MOGAT1: variants seen among roughly 807,000 people sequenced by gnomAD.
The protein encoded by MOGAT1 is 2-acylglycerol O-acyltransferase 1.
Under a neutral mutation model 31.4 loss-of-function variants are expected in MOGAT1, and 32 were observed. The ratio of observed to expected loss-of-function variants is 1.02; its 90% CI spans 0.77 to 1.37. MOGAT1 has a LOEUF of 1.37. MOGAT1 is among the 40% of genes most tolerant of loss of function. The pLI is 0.00. For missense variants in MOGAT1, 426 were observed against 402.0 expected, an observed-to-expected ratio of 1.06 and a Z score of -0.51; for synonymous variants, 145 against 144.5, an observed-to-expected ratio of 1.00 and a Z score of -0.03.
chr2:222,688,414 G>C lies in MOGAT1; in HGVS notation c.165G>C (p.Leu55Phe), dbSNP rs373676726. The C allele has an allele frequency of 9.3e-6, 15 of 1,613,448 alleles. No homozygotes were observed. The African/African-American group carries it at 1.7e-4, about 19-fold the overall frequency. Reference protein sequence around the residue: ...HNYLFLYIPYLMWLYFDWHTP... With the variant: ...HNYLFLYIPYFMWLYFDWHTP... ...ATTTGTTCCTTTACATCCCTTATTT[G>C]ATGTGGCTTTACTTTGACTGGCATA... The change falls in exon 2 of 6, where the codon TTG (leucine) becomes TTC (phenylalanine). Residue 55 changes from leucine to phenylalanine, a missense_variant. Coordinates refer to ENST00000446656, the MANE Select transcript of MOGAT1 (RefSeq NM_058165.3).
rs1422519564 is a variant in MOGAT1, at chr2:222,694,466, G to A, written c.583G>A (p.Ala195Thr). The A allele has an allele frequency of 4.3e-6, 7 of 1,613,808 alleles. No homozygotes were observed. The highest frequency in any genetic ancestry group is 5.9e-6 in the Non-Finnish European group (7 of 1,179,860). Residue 195 changes from alanine (A) to threonine (T), a missense_variant, in exon 4 of 6, where the codon GCT (alanine) becomes ACT (threonine). Ala to Thr is a moderately conservative substitution (Grantham distance 58, BLOSUM62 0). Transcript: ENST00000446656. ...TGGGGGTGCAAAAGAATCACTGGAT[G>A]CTCATCCTGGAAAGTTCACTCTGTT... ...VLGGAKESLD[A>T]HPGKFTLFIR...
At chr2:222,694,760 A>G (rs758673654) in intron 4 of MOGAT1, among the ~76,000 whole-genome samples, 3 of 152,210 alleles carry the variant, frequency 2.0e-5, no homozygotes, top group Non-Finnish European at 2.9e-5. Context: ...AAGCAAAACA[A>G]CGAGAACAAC....
chr2:222,694,416 G>A lies in MOGAT1; in HGVS notation c.533G>A (p.Gly178Asp), dbSNP rs748934342. The change falls in exon 4 of 6, where the codon GGT becomes GAT. Residue 178 changes from glycine to aspartate, a missense_variant. Physicochemically the swap from Gly to Asp is moderately conservative, Grantham distance 94. Coordinates refer to ENST00000446656, the MANE Select transcript of MOGAT1 (RefSeq NM_058165.3). ...SVSYMVSKEG[G>D]GNISVIVLGG... ...TCCTACATGGTAAGCAAGGAGGGAGGTGGAAACATCTCTGTCATTGTCCTT... is the reference window on the plus strand; with the variant it reads ...TCCTACATGGTAAGCAAGGAGGGAGATGGAAACATCTCTGTCATTGTCCTT... 18 of 1,613,714 alleles carry A rather than the reference G, an allele frequency of 1.1e-5. No individual in the cohort carries two copies. In the South Asian group the frequency reaches 1.8e-4, roughly 16 times the overall value.
chr2:222,685,485 A>G (rs1321743350), intron 1 of MOGAT1, among the ~76,000 whole-genome samples: 1 of 152,168 alleles, frequency 6.6e-6, no homozygotes, highest in Non-Finnish European at 1.5e-5. Flanking sequence ...CTACATCTTA[A>G]CTATTATACA....
In MOGAT1 at chr2:222,692,573, G is replaced by C. The variant is rs749523275; in HGVS notation, c.479-1789G>C. 2.5e-4 allele frequency among the ~76,000 whole-genome samples: 38 copies of C among 151,514 alleles called. 1 individual carries two copies. The highest frequency in any genetic ancestry group is 1.3e-4 in the Non-Finnish European group (9 of 67,838). On this transcript the variant is annotated intron_variant, in intron 3 of 5. Coordinates refer to ENST00000446656, the MANE Select transcript of MOGAT1 (RefSeq NM_058165.3). ...CATTCGGTTTGGAGACGTGTAGTTT[G>C]AGGTGTCTTAGAGCTGTCACTGTAG...
At position 222,709,243 on chromosome 2, in the gene MOGAT1, C is replaced by A. The variant is rs535172018; in HGVS notation, c.854-493C>A. On this transcript the variant is annotated intron_variant, in intron 5 of 5. Coordinates refer to ENST00000446656, the MANE Select transcript of MOGAT1 (RefSeq NM_058165.3). ...GGTTAAGGCAAGAGAATCGCTTGAA[C>A]TCGGGAGGCGGAGTTCGCAGTGAGC... 2.0e-5 allele frequency among the ~76,000 whole-genome samples: 3 copies of A among 152,266 alleles called. No homozygotes were observed. In the East Asian group the frequency reaches 5.8e-4, roughly 29 times the overall value.
In MOGAT1 at chr2:222,671,800, TGCACCGCTCAACATCCAGCTGGC is replaced by T. The variant is rs924044100; in HGVS notation, c.18_40del (p.Pro7AlafsTer47). 8.4e-6 allele frequency: 13 copies of T among 1,552,830 alleles called. No homozygotes were observed. The African/African-American group carries it at 1.5e-4, about 18-fold the overall frequency. ...CCGGCCAGGCCATGAAGGTAGAGTT[TGCACCGCTCAACATCCAGCTGGC>T]GCGGCGGCTGCAGACGGTGGCCGTG... On this transcript the variant is annotated frameshift_variant, in exon 1 of 6. Transcript: ENST00000446656. LOFTEE classifies it high-confidence loss of function.
At chr2:222,696,521 G>A (rs935338656) in intron 5 of MOGAT1, among the ~76,000 whole-genome samples, 1 of 152,190 alleles carries the variant, frequency 6.6e-6, no homozygotes, top group African/African-American at 2.4e-5. Flanking sequence ...CATTAGTGAT[G>A]TTGAGCATTT....
chr2:222,701,561 G>C (rs556523203), intron 5 of MOGAT1, among the ~76,000 whole-genome samples: 37 of 84,700 alleles, frequency 4.4e-4, no homozygotes, highest in Non-Finnish European at 2.3e-5. Context: ...AAGAAAGAAA[G>C]AGAAAGAAAG....
intron 1 of MOGAT1, among the ~76,000 whole-genome samples, chr2:222,680,782 A>AT (rs1454118597): frequency 6.6e-6 from 1 of 152,170 alleles, no homozygotes; most frequent in African/African-American, 2.4e-5. Flanking sequence ...AAAAATGAAA[A>AT]TTTTTTGGAT....
At chr2:222,688,601 G>C (rs1443063045) in intron 2 of MOGAT1, 79 bp downstream of exon 2, 1 of 1,026,446 alleles carries the variant, frequency 9.7e-7, no homozygotes, top group Non-Finnish European at 1.4e-6. Context: ...TATATCTCAA[G>C]CTTCTTTTTC....
intron 5 of MOGAT1, among the ~76,000 whole-genome samples, chr2:222,697,916 G>A (rs1055373930): frequency 2.0e-5 from 3 of 151,948 alleles, no homozygotes; most frequent in African/African-American, 4.8e-5. Flanking sequence ...GTAATGTGCC[G>A]ATGTTGTAAC....
chr2:222,677,897 C>T (rs1574969080), intron 1 of MOGAT1: 1 of 264,840 alleles, frequency 3.8e-6, no homozygotes, highest in African/African-American at 2.3e-5. Flanking sequence ...TGATCCAGAT[C>T]TGCTTTATTG....
chr2:222,684,479 G>A (rs1019344164), intron 1 of MOGAT1, among the ~76,000 whole-genome samples: 1 of 152,138 alleles, frequency 6.6e-6, no homozygotes, highest in Non-Finnish European at 1.5e-5. Context: ...AATGTATGCA[G>A]TATCTAGAGT....
Position 222,671,793 on chromosome 2 carries a change from T to C in MOGAT1, c.8T>C (p.Val3Ala). ...TCCTCGCCCGGCCAGGCCATGAAGG[T>C]AGAGTTTGCACCGCTCAACATCCAG... MK[V>A]EFAPLNIQLA... Residue 3 changes from valine (V) to alanine (A), a missense_variant, in exon 1 of 6, where the codon GTA becomes GCA. Coordinates refer to ENST00000446656, the MANE Select transcript of MOGAT1 (RefSeq NM_058165.3). 1.3e-6 allele frequency: 2 copies of C among 1,551,554 alleles called. No homozygotes were observed. The highest frequency in any genetic ancestry group is 1.2e-5 in the South Asian group (1 of 84,076).
At chr2:222,694,913 C>G (rs1444765307) in intron 4 of MOGAT1, among the ~76,000 whole-genome samples, 176 bp from the exon 5 acceptor site, 1 of 152,138 alleles carries the variant, frequency 6.6e-6, no homozygotes, top group African/African-American at 2.4e-5. Context: ...GCTGAAATTC[C>G]TCCCTAAAGA....
intron 3 of MOGAT1, 134 bp from the exon 4 acceptor site, chr2:222,694,228 C>A: frequency 1.3e-6 from 1 of 778,388 alleles, no homozygotes; most frequent in Non-Finnish European, 2.0e-6. Flanking sequence ...AAATTACAAA[C>A]TTACAAAGTG....
intron 5 of MOGAT1, among the ~76,000 whole-genome samples, chr2:222,705,787 T>C (rs926509522): frequency 2.0e-5 from 3 of 152,136 alleles, no homozygotes; most frequent in African/African-American, 4.8e-5. Flanking sequence ...TTATTTCCAA[T>C]ATAGGCACAA....
chr2:222,697,138 A>T (rs1350559480), intron 5 of MOGAT1, among the ~76,000 whole-genome samples: 1 of 152,228 alleles, frequency 6.6e-6, no homozygotes, highest in Non-Finnish European at 1.5e-5. Flanking sequence ...GTGCTGAGCC[A>T]GGCACTAATA....
Sources: gnomAD v4.1 joint callset for allele counts (sites outside exome capture counted in the v4.1 genomes callset) on GRCh38, gnomAD v4.1.1 for gene constraint, MANE v1.5 for transcripts, NCBI Gene and HGNC (gene_info 2026-07-23, HGNC 2026-07-21) for gene names.